ZC3H6: variants seen among roughly 807,000 people sequenced by gnomAD.
ZC3H6 encodes the protein zinc finger CCCH domain-containing protein 6.
Under a neutral mutation model 107.7 loss-of-function variants are expected in ZC3H6, and 40 were observed. The observed-to-expected ratio is 0.37, with a 90% CI of 0.29 to 0.48. ZC3H6 has a LOEUF of 0.48. ZC3H6 is among the 20% of genes least tolerant of loss of function. The pLI, the probability that ZC3H6 is intolerant of heterozygous loss-of-function variation, is 0.98. For synonymous variants in ZC3H6, 493 were observed against 487.9 expected, an observed-to-expected ratio of 1.01 and a Z score of -0.14; for missense variants, 1,267 against 1,410.4, an observed-to-expected ratio of 0.90 and a Z score of 1.63.
intron 5 of ZC3H6, 105 bp from the exon 6 acceptor site, chr2:112,316,365 C>T: frequency 1.4e-6 from 1 of 712,606 alleles, no homozygotes; most frequent in Middle Eastern, 3.2e-4. Flanking sequence ...ATCTTGATCA[C>T]TTTTTGTAGT....
chr2:112,278,265 A>G (rs1421883350), intron 1 of ZC3H6, among the ~76,000 whole-genome samples: 1 of 152,246 alleles, frequency 6.6e-6, no homozygotes, highest in Admixed American at 6.5e-5. Context: ...AAGTGGAGAA[A>G]AATATATGAA....
chr2:112,302,716 T>C (rs1451166422), intron 2 of ZC3H6, among the ~76,000 whole-genome samples: 2 of 152,204 alleles, frequency 1.3e-5, no homozygotes, highest in African/African-American at 4.8e-5. Context: ...CAATTACTTA[T>C]GCTTTTCATT....
intron 2 of ZC3H6, among the ~76,000 whole-genome samples, chr2:112,300,781 CA>C (rs950427032): frequency 6.6e-6 from 1 of 152,048 alleles, no homozygotes; most frequent in Non-Finnish European, 1.5e-5. Context: ...AAAAAAACAA[CA>C]AGGTACTGGA....
intron 3 of ZC3H6, among the ~76,000 whole-genome samples, chr2:112,305,986 A>G (rs1676470856): frequency 6.6e-6 from 1 of 152,138 alleles, no homozygotes; most frequent in Admixed American, 6.5e-5. Context: ...TTGCTCTGCT[A>G]CCCAGGCTAG....
At chr2:112,276,619 T>G (rs1030746731) in intron 1 of ZC3H6, among the ~76,000 whole-genome samples, 1 of 152,290 alleles carries the variant, frequency 6.6e-6, no homozygotes, top group South Asian at 2.1e-4. Context: ...TAGCACAGTT[T>G]TACCCTAACG....
chr2:112,321,833 C>G lies in ZC3H6; in HGVS notation c.1054C>G (p.Leu352Val), dbSNP rs1178849823. The change falls in exon 8 of 12, where the codon CTA (leucine) becomes GTA (valine). Residue 352 changes from leucine (L) to valine (V), a missense_variant. By Grantham distance (32) the Leu-to-Val change is conservative. Coordinates refer to ENST00000409871, the MANE Select transcript of ZC3H6 (RefSeq NM_198581.3). ...GDNCKFSHDD[L>V]TKETKKLLDK... ...CAACTGTAAATTTTCCCATGATGATCTAACTAAAGAAACAAAGAAACTTTT... is the reference window on the plus strand; with the variant it reads ...CAACTGTAAATTTTCCCATGATGATGTAACTAAAGAAACAAAGAAACTTTT... 1 of 1,533,306 alleles carries G rather than the reference C, an allele frequency of 6.5e-7. No homozygotes were observed. Among genetic ancestry groups the G allele is most frequent in the East Asian group, 2.4e-5 (1 of 42,010 alleles). 95.0% of individuals were successfully genotyped at this position (1,533,306 alleles called of 1,614,324 possible).
chr2:112,315,277 A>AG (rs146747085), intron 5 of ZC3H6, among the ~76,000 whole-genome samples: 2,135 of 152,324 alleles, frequency 0.014, 24 homozygotes, highest in Non-Finnish European at 0.02. Context: ...GAAGTTGAAT[A>AG]GGGGACTCAG....
intron 1 of ZC3H6, among the ~76,000 whole-genome samples, chr2:112,289,247 C>CT (rs1253957406): frequency 4.5e-3 from 688 of 151,310 alleles, no homozygotes; most frequent in African/African-American, 0.016. Context: ...ATCTGCCCAC[C>CT]TCAGCCTCCC....
chr2:112,316,455 A>AT lies in ZC3H6; in HGVS notation c.748-8dup. 2.0e-6 allele frequency: 3 copies of AT among 1,513,612 alleles called. No individual in the cohort carries two copies. Among genetic ancestry groups the AT allele is most frequent in the Admixed American group, 1.8e-5 (1 of 54,830 alleles). 93.8% of individuals were successfully genotyped at this position (1,513,612 alleles called of 1,614,324 possible). On this transcript the variant is annotated splice_polypyrimidine_tract_variant and intron_variant, in intron 5 of 11. Transcript: ENST00000409871. ...ATTTCATATGCTGCATTCAAATGGAATTTTTTTCTTGCAGTATAATAAACC... is the reference window on the plus strand; with the variant it reads ...ATTTCATATGCTGCATTCAAATGGAATTTTTTTTCTTGCAGTATAATAAACC...
chr2:112,290,857 A>G (rs1416723810), intron 1 of ZC3H6, among the ~76,000 whole-genome samples: 1 of 152,258 alleles, frequency 6.6e-6, no homozygotes, highest in African/African-American at 2.4e-5. Flanking sequence ...TCAAATTGGC[A>G]TATGCTGTAA....
chr2:112,313,596 A>G (rs1398853146), intron 5 of ZC3H6, among the ~76,000 whole-genome samples: 1 of 152,230 alleles, frequency 6.6e-6, no homozygotes, highest in East Asian at 1.9e-4. Flanking sequence ...CTAAAAGATA[A>G]TCATATAACA....
At position 112,302,301 on chromosome 2, in the gene ZC3H6, T is replaced by A. The variant is rs1188630716; in HGVS notation, c.214-928T>A. Among the ~76,000 whole-genome samples, 3 of 152,062 alleles carry A rather than the reference T, an allele frequency of 2.0e-5. No individual in the cohort carries two copies. In the East Asian group the frequency reaches 5.8e-4, roughly 29 times the overall value. ...ATATTTCTTTATGTCACCTATCAAA[T>A]CAACAAAGACAAAAGCAATAAAATC... On this transcript the variant is annotated intron_variant, in intron 2 of 11. Coordinates refer to ENST00000409871, the MANE Select transcript of ZC3H6 (RefSeq NM_198581.3).
chr2:112,306,190 T>TTTA (rs1676474227), intron 3 of ZC3H6, among the ~76,000 whole-genome samples: 1 of 149,980 alleles, frequency 6.7e-6, no homozygotes. Context: ...TTTTTTTTTT[T>TTTA]GAGACGGAGT....
At chr2:112,326,584 G>A (rs1479810446) in intron 11 of ZC3H6, among the ~76,000 whole-genome samples, 1 of 152,024 alleles carries the variant, frequency 6.6e-6, no homozygotes, top group Non-Finnish European at 1.5e-5. Flanking sequence ...GTGTATATAT[G>A]CCACATTTTC....
chr2:112,317,431 T>C, intron 7 of ZC3H6, 99 bp downstream of exon 7: 1 of 649,550 alleles, frequency 1.5e-6, no homozygotes, highest in East Asian at 3.3e-5. Flanking sequence ...AAGCCTAGTT[T>C]GGTTTTAAAT....
intron 6 of ZC3H6, 47 bp downstream of exon 6, chr2:112,316,633 C>A (rs1676701000): frequency 1.6e-6 from 2 of 1,245,822 alleles, no homozygotes; most frequent in Non-Finnish European, 2.2e-6. Flanking sequence ...CCAAAATAAT[C>A]TTTAAAATTA....
Position 112,275,793 on chromosome 2 carries a change from C to A in ZC3H6, c.-202C>A. 2.1e-6 allele frequency: 1 copy of A among 482,946 alleles called. No homozygotes were observed. Among genetic ancestry groups the A allele is most frequent in the Non-Finnish European group, 3.7e-6 (1 of 268,782 alleles). The allele number at this position is 482,946 out of a possible 1,614,324, so 29.9% of individuals were successfully genotyped here. ...TGCCCAGTGTTTGCAGTTAGAGCCC[C>A]ATCTCTCTGGCGTGGTTGTTAATAG... On this transcript the variant is annotated 5_prime_UTR_variant, in exon 1 of 12. Transcript: ENST00000409871.
At chr2:112,292,710 A>G (rs572350010) in intron 1 of ZC3H6, among the ~76,000 whole-genome samples, 2 of 152,332 alleles carry the variant, frequency 1.3e-5, no homozygotes, top group African/African-American at 4.8e-5. Context: ...ATCTAAAGCT[A>G]TGCTGTTACC....
At position 112,336,216 on chromosome 2, in the gene ZC3H6, T is replaced by C. The variant is rs1260964177; in HGVS notation, c.*3728T>C. On this transcript the variant is annotated 3_prime_UTR_variant, in exon 12 of 12. Coordinates refer to ENST00000409871, the MANE Select transcript of ZC3H6 (RefSeq NM_198581.3). ...AGATCTTAAAGAGGCTGTCAGAATCTCTTCATTTGCATGACATAGAATCTG... is the reference window on the plus strand; with the variant it reads ...AGATCTTAAAGAGGCTGTCAGAATCCCTTCATTTGCATGACATAGAATCTG... 1 of 152,202 alleles carries C rather than the reference T, an allele frequency of 6.6e-6. No individual in the cohort carries two copies. Among genetic ancestry groups the C allele is most frequent in the African/African-American group, 2.4e-5 (1 of 41,444 alleles). 9.4% of individuals were successfully genotyped at this position (152,202 alleles called of 1,614,324 possible).
Sources: gnomAD v4.1 joint callset for allele counts (sites outside exome capture counted in the v4.1 genomes callset) on GRCh38, gnomAD v4.1.1 for gene constraint, MANE v1.5 for transcripts, NCBI Gene and HGNC (gene_info 2026-07-23, HGNC 2026-07-21) for gene names.